EMSY: variants seen among roughly 807,000 people sequenced by gnomAD.
EMSY encodes the protein EMSY transcriptional repressor, BRCA2 interacting.
In EMSY, 26 loss-of-function variants were observed where a neutral mutation model predicts 134.6. That is an observed-to-expected ratio of 0.19 (90% confidence interval 0.14 to 0.27). EMSY has a LOEUF of 0.27. Ranked by LOEUF, EMSY falls within the 10% of genes least tolerant of loss-of-function variation. The pLI, the probability that EMSY is intolerant of heterozygous loss-of-function variation, is 1.00. For missense variants in EMSY, 1,305 were observed against 1,611.4 expected (o/e 0.81, Z 3.26); for synonymous variants, 579 against 577.8 (o/e 1.00, Z -0.03).
At chr11:76,484,279 A>G (rs1051352079) in intron 8 of EMSY, among the ~76,000 whole-genome samples, 3 of 152,242 alleles carry the variant, frequency 2.0e-5, no homozygotes, top group Admixed American at 6.5e-5. Flanking sequence ...ATAGCACTAA[A>G]TGTCCACAGG....
At chr11:76,508,816 C>A (rs974520270) in intron 9 of EMSY, among the ~76,000 whole-genome samples, 1 of 152,140 alleles carries the variant, frequency 6.6e-6, no homozygotes, top group African/African-American at 2.4e-5. Context: ...CCGCATGAAC[C>A]AACCTCTGCT....
rs548192225 is a variant in EMSY, at chr11:76,513,681, T to G, written c.1513+146T>G. On this transcript the variant is annotated intron_variant, in intron 10 of 20. Coordinates refer to ENST00000334736, the Ensembl canonical transcript of EMSY. ...CCTTTCTTGATTCTCACACCCCTAC[T>G]GACTGCCCTGACGTTAACTTTCTTT... 2.0e-4 allele frequency: 149 copies of G among 740,672 alleles called. No homozygotes were observed. The African/African-American group carries it at 2.4e-3, about 12-fold the overall frequency. The allele number at this position is 740,672 out of a possible 1,614,324, so 45.9% of individuals were successfully genotyped here.
chr11:76,543,301 C>G (rs1951515123), intron 18 of EMSY, among the ~76,000 whole-genome samples: 1 of 152,148 alleles, frequency 6.6e-6, no homozygotes, highest in Non-Finnish European at 1.5e-5. Flanking sequence ...TGTGCAAAGT[C>G]ATTATGGTAT....
chr11:76,506,095 G>C (rs1950066132), intron 9 of EMSY, among the ~76,000 whole-genome samples: 1 of 151,964 alleles, frequency 6.6e-6, no homozygotes, highest in African/African-American at 2.4e-5. Flanking sequence ...ACTTAAGCCT[G>C]GGCAATAGAG....
chr11:76,520,209 G>A (rs1235780598), intron 11 of EMSY, among the ~76,000 whole-genome samples: 1 of 151,770 alleles, frequency 6.6e-6, no homozygotes, highest in Non-Finnish European at 1.5e-5. Flanking sequence ...TTTTCCTTAT[G>A]CTATTCCTTT....
chr11:76,445,691 C>T (rs1451785595), intron 1 of EMSY, among the ~76,000 whole-genome samples: 1 of 152,150 alleles, frequency 6.6e-6, no homozygotes, highest in African/African-American at 2.4e-5. Context: ...CGGCCCCGCT[C>T]TGGGGTCCCC....
chr11:76,521,751 G>A (rs1340817349), intron 11 of EMSY, among the ~76,000 whole-genome samples: 4 of 147,896 alleles, frequency 2.7e-5, no homozygotes, highest in Non-Finnish European at 4.4e-5. Context: ...AACAGAGTGA[G>A]ACCCTGTTTC....
intron 14 of EMSY, among the ~76,000 whole-genome samples, chr11:76,530,978 A>G (rs185878644): frequency 2.0e-5 from 3 of 152,308 alleles, no homozygotes; most frequent in Admixed American, 1.3e-4. Flanking sequence ...AAGAATAGTA[A>G]AAAGAACTCC....
intron 20 of EMSY, chr11:76,546,932 G>T: frequency 2.9e-6 from 1 of 349,262 alleles, no homozygotes; most frequent in South Asian, 2.3e-5. Flanking sequence ...GCCTTGGTAA[G>T]TACAGGCTAA....
At chr11:76,499,432 C>T (rs996683386) in intron 9 of EMSY, among the ~76,000 whole-genome samples, 3 of 151,484 alleles carry the variant, frequency 2.0e-5, no homozygotes, top group Admixed American at 6.6e-5. Context: ...GGACTACAGG[C>T]GCCTGCCACC....
chr11:76,527,083 A>G (rs1950870788), intron 13 of EMSY, among the ~76,000 whole-genome samples: 1 of 152,160 alleles, frequency 6.6e-6, no homozygotes, highest in Non-Finnish European at 1.5e-5. Context: ...TTTTTTAACC[A>G]ATAGAAGATA....
chr11:76,530,347 G>A (rs368596568), intron 14 of EMSY, among the ~76,000 whole-genome samples: 32 of 151,990 alleles, frequency 2.1e-4, no homozygotes, highest in East Asian at 5.8e-4. Flanking sequence ...TTTTAGTAGC[G>A]ACGGGGTTTC....
At chr11:76,474,447 G>A (rs539476557) in intron 8 of EMSY, among the ~76,000 whole-genome samples, 4 of 152,234 alleles carry the variant, frequency 2.6e-5, no homozygotes, top group African/African-American at 9.6e-5. Context: ...TTATGAACTA[G>A]GAGTGAATGC....
In EMSY at chr11:76,498,409, A is replaced by T. The variant is rs114645660; in HGVS notation, c.1363+1940A>T. ...TTCTGCATAGTAGTTCTATTAGTTG[A>T]TGGGAGTGAAGTAATAAAGTCCCCA... On this transcript the variant is annotated intron_variant, in intron 9 of 20. Transcript: ENST00000334736. Among the ~76,000 whole-genome samples the T allele has an allele frequency of 9.3e-3, 1,408 of 152,196 alleles. 22 individuals carry two copies. The highest frequency in any genetic ancestry group is 0.032 in the African/African-American group (1,343 of 41,508).
At chr11:76,456,093 G>C (rs1227485316) in intron 4 of EMSY, among the ~76,000 whole-genome samples, 5 of 152,116 alleles carry the variant, frequency 3.3e-5, no homozygotes, top group Admixed American at 6.6e-5. Flanking sequence ...TAAATAGAGA[G>C]ACACTTTTAT....
At chr11:76,539,578 T>C in intron 16 of EMSY, 21 bp from the exon 18 acceptor site, 3 of 1,613,004 alleles carry the variant, frequency 1.9e-6, no homozygotes, top group Non-Finnish European at 2.5e-6. Flanking sequence ...CTATGATTTC[T>C]TCCCTTACTT....
chr11:76,467,991 A>C (rs10710701), intron 7 of EMSY, among the ~76,000 whole-genome samples: 76,928 of 141,334 alleles, frequency 0.54, 21,162 homozygotes, highest in East Asian at 0.71. Flanking sequence ...AAAAAAAAAA[A>C]CAAAAAAAAA....
At chr11:76,516,371 AACTT>A (rs771247196) in intron 11 of EMSY, 59 bp downstream of exon 12, 30 of 1,285,368 alleles carry the variant, frequency 2.3e-5, no homozygotes, top group East Asian at 2.5e-5. Flanking sequence ...GGAAAAAAAA[AACTT>A]ACTTCATTGA....
chr11:76,518,701 A>T lies in EMSY; in HGVS notation c.1684+2389A>T, dbSNP rs1007689365. Among the ~76,000 whole-genome samples the T allele has an allele frequency of 4.7e-3, 568 of 120,460 alleles. 6 individuals carry two copies. The highest frequency in any genetic ancestry group is 0.017 in the African/African-American group (505 of 30,362). The allele number at this position is 120,460 out of a possible 152,430, so 79.0% of individuals were successfully genotyped here. ...TGTGCGCGCATATATATATATATAT[A>T]TATTTTTTTTTTAATTGGGATCTAA... On this transcript the variant is annotated intron_variant, in intron 11 of 20. Transcript: ENST00000334736.
Sources: allele counts gnomAD v4.1 joint callset (sites outside exome capture counted in the v4.1 genomes callset), GRCh38; gene constraint gnomAD v4.1.1; transcripts MANE v1.5; gene names NCBI Gene and HGNC (gene_info 2026-07-23, HGNC 2026-07-21).